Variants in DGKB observed in about 807,000 individuals in gnomAD.
DGKB encodes the protein 90 kDa diacylglycerol kinase.
A neutral mutation model predicts 114.3 loss-of-function variants in DGKB; 67 were observed. The ratio of observed to expected loss-of-function variants is 0.59; its 90% CI spans 0.48 to 0.72. The LOEUF (loss-of-function observed/expected upper bound fraction) is 0.72. Among genes scored for constraint, DGKB ranks in the 30% least tolerant of loss-of-function variants. The pLI is 0.00. For synonymous variants in DGKB, 398 were observed against 323.1 expected (o/e 1.23, Z -2.49); for missense variants, 907 against 975.2 (o/e 0.93, Z 0.93).
At chr7:14,303,128 G>A (rs923688095) in intron 23 of DGKB, among the ~76,000 whole-genome samples, 7 of 152,168 alleles carry the variant, frequency 4.6e-5, no homozygotes, top group Middle Eastern at 3.4e-3. Flanking sequence ...TCAAAATGAC[G>A]TCTTTTTATG....
chr7:14,703,656 G>C (rs1825618012), intron 6 of DGKB, among the ~76,000 whole-genome samples: 1 of 152,128 alleles, frequency 6.6e-6, no homozygotes, highest in Non-Finnish European at 1.5e-5. Flanking sequence ...AGTGATTTCA[G>C]AGAGAATATC....
intron 13 of DGKB, among the ~76,000 whole-genome samples, chr7:14,633,751 T>C (rs1185237665): frequency 6.6e-6 from 1 of 151,724 alleles, no homozygotes. Flanking sequence ...CAATGTGAGG[T>C]GTGACTACAG....
chr7:14,348,340 GT>G (rs969408871), intron 21 of DGKB, among the ~76,000 whole-genome samples: 4 of 151,976 alleles, frequency 2.6e-5, no homozygotes, highest in African/African-American at 9.7e-5. Flanking sequence ...TTATCACTGA[GT>G]AGTAGTACAT....
chr7:14,494,530 AT>A (rs1785031041), intron 20 of DGKB, among the ~76,000 whole-genome samples: 1 of 151,924 alleles, frequency 6.6e-6, no homozygotes, highest in African/African-American at 2.4e-5. Flanking sequence ...AATAAGCAGT[AT>A]TTATGGGTTA....
intron 23 of DGKB, among the ~76,000 whole-genome samples, chr7:14,213,899 TAAAAG>T (rs1318240174): frequency 1.3e-5 from 2 of 151,992 alleles, no homozygotes; most frequent in African/African-American, 4.8e-5. Flanking sequence ...CCAAATAAAA[TAAAAG>T]AAAAAAGGTA....
At chr7:14,159,925 G>A (rs1783608112) in intron 25 of DGKB, among the ~76,000 whole-genome samples, 1 of 152,150 alleles carries the variant, frequency 6.6e-6, no homozygotes. Context: ...GCCTGCCCTC[G>A]GCCTCTTAGA....
intron 20 of DGKB, among the ~76,000 whole-genome samples, chr7:14,531,077 A>C (rs1366252090): frequency 6.6e-6 from 1 of 151,576 alleles, no homozygotes; most frequent in Non-Finnish European, 1.5e-5. Flanking sequence ...CATAAAGTGC[A>C]GCTTGTTTCT....
At chr7:14,768,805 C>T (rs939498650) in intron 2 of DGKB, among the ~76,000 whole-genome samples, 2 of 151,730 alleles carry the variant, frequency 1.3e-5, no homozygotes, top group Non-Finnish European at 2.9e-5. Flanking sequence ...TCTGAAAATC[C>T]CTGTGAAATA....
chr7:14,170,181 G>GAAAGAA (rs1562524001), intron 25 of DGKB, among the ~76,000 whole-genome samples: 1 of 142,488 alleles, frequency 7.0e-6, no homozygotes, highest in South Asian at 2.3e-4. Flanking sequence ...AAGAAAGAAA[G>GAAAGAA]AAAGAAAGAA....
intron 20 of DGKB, among the ~76,000 whole-genome samples, chr7:14,546,227 TTC>T (rs1256397212): frequency 2.6e-5 from 4 of 152,212 alleles, no homozygotes; most frequent in African/African-American, 9.6e-5. Flanking sequence ...TCATTTGAAT[TTC>T]TTTTTTAATT....
At chr7:14,277,402 G>T (rs900324272) in intron 23 of DGKB, among the ~76,000 whole-genome samples, 2 of 152,078 alleles carry the variant, frequency 1.3e-5, no homozygotes, top group South Asian at 2.1e-4. Context: ...CGAACGCCTG[G>T]CCACAAGCCA....
intron 23 of DGKB, among the ~76,000 whole-genome samples, chr7:14,229,309 C>G (rs1004452301): frequency 1.3e-5 from 2 of 151,888 alleles, no homozygotes; most frequent in African/African-American, 4.8e-5. Context: ...GTGAGAGCAT[C>G]AAAGAGTGTA....
At chr7:14,368,613 G>C (rs970993221) in intron 21 of DGKB, among the ~76,000 whole-genome samples, 4 of 150,648 alleles carry the variant, frequency 2.7e-5, no homozygotes, top group Non-Finnish European at 5.9e-5. Context: ...AAAAGGTAGT[G>C]TATGTAAATA....
intron 9 of DGKB, among the ~76,000 whole-genome samples, chr7:14,691,700 G>T (rs1346530977): frequency 6.6e-6 from 1 of 151,914 alleles, no homozygotes; most frequent in Non-Finnish European, 1.5e-5. Context: ...TCACAAAAAT[G>T]AAAGAAAAGG....
chr7:14,464,022 A>G (rs1213852956), intron 21 of DGKB, among the ~76,000 whole-genome samples: 2 of 151,874 alleles, frequency 1.3e-5, no homozygotes, highest in African/African-American at 4.8e-5. Context: ...TTTTCATGGT[A>G]ACCAAGCTTT....
At chr7:14,524,311 A>G (rs1484984412) in intron 20 of DGKB, among the ~76,000 whole-genome samples, 1 of 152,136 alleles carries the variant, frequency 6.6e-6, no homozygotes, top group Non-Finnish European at 1.5e-5. Context: ...GGTAACTGCT[A>G]CCATTCCTTG....
At chr7:14,933,919 C>T (rs1785156097) in intron 1 of DGKB, among the ~76,000 whole-genome samples, 1 of 152,126 alleles carries the variant, frequency 6.6e-6, no homozygotes, top group Admixed American at 6.6e-5. Flanking sequence ...AGCCAAGAAT[C>T]ATGAAAGCTT....
At chr7:14,693,193 A>T (rs964130431) in intron 9 of DGKB, among the ~76,000 whole-genome samples, 5 of 152,142 alleles carry the variant, frequency 3.3e-5, no homozygotes, top group African/African-American at 9.7e-5. Context: ...TAAATATTAC[A>T]ATTTCATTGT....
At chr7:14,209,628 C>A in intron 23 of DGKB, 4 of 381,096 alleles carry the variant, frequency 1.0e-5, no homozygotes, top group Non-Finnish European at 1.6e-5. Context: ...TACCAATCTC[C>A]CATTTGAAGA....
Sources: gnomAD v4.1 joint callset for allele counts (sites outside exome capture counted in the v4.1 genomes callset) on GRCh38, gnomAD v4.1.1 for gene constraint, MANE v1.5 for transcripts, NCBI Gene and HGNC (gene_info 2026-07-23, HGNC 2026-07-21) for gene names.